SLC1A2: variants seen among roughly 807,000 people sequenced by gnomAD.
The protein encoded by SLC1A2 is solute carrier family 1 member 2, also known as excitatory amino acid transporter 2.
Under a neutral mutation model 48.8 loss-of-function variants are expected in SLC1A2, and 15 were observed. The ratio of observed to expected loss-of-function variants is 0.31; its 90% CI spans 0.21 to 0.47. SLC1A2 has a LOEUF of 0.47. Ranked by LOEUF, SLC1A2 falls within the 20% of genes least tolerant of loss-of-function variation. The pLI is 0.99. For synonymous variants in SLC1A2, 279 were observed against 272.6 expected, an observed-to-expected ratio of 1.02 and a Z score of -0.23; for missense variants, 502 against 730.5, an observed-to-expected ratio of 0.69 and a Z score of 3.61.
chr11:35,263,635 G>T lies in SLC1A2; in HGVS notation c.1653+1892C>A, dbSNP rs531811613. 5.3e-5 allele frequency among the ~76,000 whole-genome samples: 8 copies of T among 152,214 alleles called. No homozygotes were observed. The South Asian group carries it at 1.7e-3, about 32-fold the overall frequency. On this transcript the variant is annotated intron_variant, in intron 10 of 10. Coordinates refer to ENST00000278379, the MANE Select transcript of SLC1A2 (RefSeq NM_004171.4). ...TTGAGAAATTCCAAAAGGGCCATACGCAGTTAACCACTAGGATTCTTCTCA... is the reference window on the plus strand; with the variant it reads ...TTGAGAAATTCCAAAAGGGCCATACTCAGTTAACCACTAGGATTCTTCTCA...
chr11:35,262,318 A>G (rs1950406270), intron 10 of SLC1A2, among the ~76,000 whole-genome samples: 1 of 151,996 alleles, frequency 6.6e-6, no homozygotes, highest in Non-Finnish European at 1.5e-5. Flanking sequence ...ACTTGGGGGG[A>G]AGTGTTTTTG....
At chr11:35,339,469 T>G (rs1852756624) in intron 1 of SLC1A2, among the ~76,000 whole-genome samples, 1 of 152,160 alleles carries the variant, frequency 6.6e-6, no homozygotes, top group Non-Finnish European at 1.5e-5. Flanking sequence ...CTCAGGGAGA[T>G]GTTTGGTTAG....
intron 1 of SLC1A2, among the ~76,000 whole-genome samples, chr11:35,336,464 C>T (rs945832463): frequency 2.0e-5 from 3 of 152,196 alleles, no homozygotes; most frequent in Non-Finnish European, 2.9e-5. Context: ...ATATTAATAA[C>T]AGTATTGATT....
intron 10 of SLC1A2, among the ~76,000 whole-genome samples, chr11:35,262,389 T>C (rs1307290888): frequency 6.6e-6 from 1 of 152,204 alleles, no homozygotes; most frequent in Admixed American, 6.5e-5. Flanking sequence ...GGACAGCAGA[T>C]TTTTTTGGCG....
chr11:35,382,056 C>A (rs1854440282), intron 1 of SLC1A2, among the ~76,000 whole-genome samples: 2 of 152,138 alleles, frequency 1.3e-5, no homozygotes, highest in Non-Finnish European at 2.9e-5. Context: ...GATAACATGC[C>A]CATTTTACAG....
Position 35,419,224 on chromosome 11 carries a change from G to A in SLC1A2, c.-258C>T. 2 of 424,642 alleles carry A rather than the reference G, an allele frequency of 4.7e-6. No individual in the cohort carries two copies. Among genetic ancestry groups the A allele is most frequent in the Non-Finnish European group, 8.3e-6 (2 of 241,432 alleles). 26.3% of individuals were successfully genotyped at this position (424,642 alleles called of 1,614,324 possible). ...TCCGCCCGCGGGGATGGCGCTTGGC[G>A]GGGAGCTCCGGGGGCTCCGAGGGTG... is the stretch of plus-strand genomic sequence containing the variant. On this transcript the variant is annotated 5_prime_UTR_variant, in exon 1 of 11. Transcript: ENST00000278379. This position sits in a 1 kb window ranked among gnomAD's most constrained non-coding sequence, Gnocchi z 5.4.
intron 6 of SLC1A2, among the ~76,000 whole-genome samples, chr11:35,294,038 C>T (rs1009183829): frequency 3.9e-5 from 6 of 152,130 alleles, no homozygotes; most frequent in African/African-American, 1.4e-4. Context: ...CTGTCAGTAC[C>T]ATTAATTCTC....
intron 1 of SLC1A2, among the ~76,000 whole-genome samples, chr11:35,362,753 C>T (rs918885821): frequency 1.3e-5 from 2 of 152,296 alleles, no homozygotes; most frequent in African/African-American, 4.8e-5. Context: ...TTTTGAGAGT[C>T]GCCATGGGAA....
At position 35,259,053 on chromosome 11, in the gene SLC1A2, A is replaced by C. The variant is rs1250804343; in HGVS notation, c.*1841T>G. The stretch of plus-strand genomic sequence containing the variant: ...TCTACTGGAAATAAAGACCAATGTC[A>C]TTTGAAAAGCAAAAATGAAAAGTTG... On this transcript the variant is annotated 3_prime_UTR_variant, in exon 11 of 11. Transcript: ENST00000278379. 1 of 152,588 alleles carries C rather than the reference A, an allele frequency of 6.6e-6. No individual in the cohort carries two copies. The highest frequency in any genetic ancestry group is 1.5e-5 in the Non-Finnish European group (1 of 68,050). 9.5% of individuals were successfully genotyped at this position (152,588 alleles called of 1,614,324 possible). A position where few individuals can be genotyped will look rare whatever the true frequency, so the allele number is the denominator to read the frequency against.
intron 1 of SLC1A2, among the ~76,000 whole-genome samples, chr11:35,394,338 C>T (rs1854884994): frequency 6.6e-6 from 1 of 152,144 alleles, no homozygotes; most frequent in African/African-American, 2.4e-5. Flanking sequence ...GGATCTGCCC[C>T]ATTGCTCTGG....
At chr11:35,407,004 G>A (rs1855315628) in intron 1 of SLC1A2, among the ~76,000 whole-genome samples, 1 of 151,658 alleles carries the variant, frequency 6.6e-6, no homozygotes, top group Non-Finnish European at 1.5e-5. Flanking sequence ...AACTATGCAA[G>A]AGCATAAATG....
rs1950337360 is a variant in SLC1A2, at chr11:35,258,000, T to A, written c.*2894A>T. 6.6e-6 allele frequency: 1 copy of A among 152,262 alleles called. No individual in the cohort carries two copies. Among genetic ancestry groups the A allele is most frequent in the Non-Finnish European group, 1.5e-5 (1 of 68,042 alleles). 9.4% of individuals were successfully genotyped at this position (152,262 alleles called of 1,614,324 possible). A position where few individuals can be genotyped will look rare whatever the true frequency, so the allele number is the denominator to read the frequency against. On this transcript the variant is annotated 3_prime_UTR_variant, in exon 11 of 11. Coordinates refer to ENST00000278379, the MANE Select transcript of SLC1A2 (RefSeq NM_004171.4). ...ACAGGTTAAATGTATTCTATTTAGA[T>A]AAAGGTTATTAGAGGTATACCCTGG...
Position 35,292,450 on chromosome 11 carries a change from C to A in SLC1A2, c.928G>T (p.Ala310Ser), listed in dbSNP as rs752270584. 1.2e-6 allele frequency: 2 copies of A among 1,613,858 alleles called. No homozygotes were observed. The highest frequency in any genetic ancestry group is 1.7e-6 in the Non-Finnish European group (2 of 1,179,920). The change falls in exon 7 of 11, where the codon GCT (alanine) becomes TCT (serine). Residue 310 changes from alanine to serine, a missense_variant. Physicochemically the swap from Ala to Ser is moderately conservative, Grantham distance 99 (BLOSUM62 1). Transcript: ENST00000278379. ...ACCATGTACATCCCCAGTTGCCTAG[C>A]AACCACTTCTAAGTCCTTGATTGCA... is the stretch of plus-strand genomic sequence containing the variant. ...IIAIKDLEVV[A>S]RQLGMYMVTV...
chr11:35,316,589 T>C (rs1300534069), intron 2 of SLC1A2: 2 of 152,326 alleles, frequency 1.3e-5, no homozygotes, highest in Non-Finnish European at 2.9e-5. Flanking sequence ...ATGGAGGGGT[T>C]CAGGTAGGTG....
At position 35,253,504 on chromosome 11, in the gene SLC1A2, A is replaced by G. The variant is rs1268415882; in HGVS notation, c.*7390T>C. 6.6e-6 allele frequency: 1 copy of G among 152,644 alleles called. No individual in the cohort carries two copies. The highest frequency in any genetic ancestry group is 1.5e-5 in the Non-Finnish European group (1 of 68,042). The allele number at this position is 152,644 out of a possible 1,614,324, so 9.5% of individuals were successfully genotyped here. A position where few individuals can be genotyped will look rare whatever the true frequency, so the allele number is the denominator to read the frequency against. Reference sequence around the variant, plus strand: ...ACCTTGTCTTTGATAGTCTTAGAGAAAAGCAAAATGAGAATGCTCAGCTGG... The same window carrying G: ...ACCTTGTCTTTGATAGTCTTAGAGAGAAGCAAAATGAGAATGCTCAGCTGG... On this transcript the variant is annotated 3_prime_UTR_variant, in exon 11 of 11. Coordinates refer to ENST00000278379, the MANE Select transcript of SLC1A2 (RefSeq NM_004171.4).
intron 8 of SLC1A2, among the ~76,000 whole-genome samples, chr11:35,282,246 T>C (rs1850664237): frequency 2.0e-5 from 3 of 152,056 alleles, no homozygotes. Context: ...CACTCCAATT[T>C]CCTTGAATCC....
chr11:35,281,116 A>T, intron 8 of SLC1A2, 115 bp from the exon 9 acceptor site: 2 of 1,365,682 alleles, frequency 1.5e-6, no homozygotes, highest in Admixed American at 3.0e-5. Flanking sequence ...CCCAACCCCC[A>T]CCCCATACTC....
intron 1 of SLC1A2, among the ~76,000 whole-genome samples, chr11:35,359,332 C>G (rs1311156659): frequency 6.6e-6 from 1 of 152,214 alleles, no homozygotes; most frequent in African/African-American, 2.4e-5. Context: ...TTCAATTCTT[C>G]AAGATCCAAT....
chr11:35,320,703 A>G (rs1852029043), intron 1 of SLC1A2, among the ~76,000 whole-genome samples: 1 of 152,258 alleles, frequency 6.6e-6, no homozygotes, highest in East Asian at 1.9e-4. Context: ...GCCCTTCTGC[A>G]GACAGACTGG....
Sources: allele counts gnomAD v4.1 joint callset (sites outside exome capture counted in the v4.1 genomes callset), GRCh38; gene constraint gnomAD v4.1.1; non-coding constraint Gnocchi (gnomAD v3.1); transcripts MANE v1.5; gene names NCBI Gene and HGNC (gene_info 2026-07-23, HGNC 2026-07-21).